CDR2L: variants seen among roughly 807,000 people sequenced by gnomAD.
CDR2L encodes the protein cerebellar degeneration related protein 2 like, also known as cerebellar degeneration-related protein 2-like.
Under a neutral mutation model 36.1 loss-of-function variants are expected in CDR2L, and 19 were observed. The observed-to-expected ratio is 0.53, with a 90% CI of 0.37 to 0.77. The LOEUF (loss-of-function observed/expected upper bound fraction) is 0.77, where lower values mean the gene tolerates loss of function less well. CDR2L is among the 30% of genes least tolerant of loss of function. The pLI, the probability that CDR2L is intolerant of heterozygous loss-of-function variation, is 0.00. For missense variants in CDR2L, 575 were observed against 627.2 expected (o/e 0.92, Z 0.89); for synonymous variants, 285 against 280.4 (o/e 1.02, Z -0.16).
Position 75,002,485 on chromosome 17 carries a change from G to A in CDR2L, c.506+257G>A, listed in dbSNP as rs1444508071. On this transcript the variant is annotated intron_variant, in intron 4 of 4. Coordinates refer to ENST00000337231, the MANE Select transcript of CDR2L (RefSeq NM_014603.3). The surrounding 1 kb of genome is among the most constrained non-coding windows in gnomAD (Gnocchi z 4.1). ...CAGATGATAAAACTGAAGCCCAGAG[G>A]TTGTGTGTCTTATCCAAGGTCACCT... 2.6e-5 allele frequency among the ~76,000 whole-genome samples: 4 copies of A among 152,218 alleles called. No homozygotes were observed. The highest frequency in any genetic ancestry group is 2.9e-5 in the Non-Finnish European group (2 of 68,040).
intron 1 of CDR2L, among the ~76,000 whole-genome samples, chr17:74,992,886 G>T (rs769896326): frequency 1.3e-5 from 2 of 152,304 alleles, no homozygotes; most frequent in Non-Finnish European, 2.9e-5. Context: ...ACCTGGAAGT[G>T]GGGGGTATGA....
At position 75,001,483 on chromosome 17, in the gene CDR2L, T is replaced by C. The variant is rs1414912441; in HGVS notation, c.335T>C (p.Ile112Thr). The C allele has an allele frequency of 6.4e-7, 1 of 1,564,486 alleles. No individual in the cohort carries two copies. The highest frequency in any genetic ancestry group is 1.2e-5 in the South Asian group (1 of 84,056). Residue 112 changes from isoleucine to threonine, a missense_variant, in exon 3 of 5, where the codon ATC (isoleucine) becomes ACC (threonine). By Grantham distance (89) the Ile-to-Thr change is moderately conservative (BLOSUM62 -1). Coordinates refer to ENST00000337231, the MANE Select transcript of CDR2L (RefSeq NM_014603.3). Reference sequence around the variant, plus strand: ...GAGAGTAAGGCTGCCCAGCAGAAGATCCATGGGTGAGGGCCCGGCTGAGGG... The same window carrying C: ...GAGAGTAAGGCTGCCCAGCAGAAGACCCATGGGTGAGGGCCCGGCTGAGGG... ...VLESKAAQQK[I>T]HGLTETIERL... is the part of the protein sequence containing the mutation.
At position 75,003,258 on chromosome 17, in the gene CDR2L, G is replaced by A; in HGVS notation, c.582G>A (p.Arg194=). The change falls in exon 5 of 5, where the codon CGG becomes CGA. Residue 194 remains arginine, a synonymous_variant. Transcript: ENST00000337231. ...GPRPLEQENE[R]LQTLVGALRS... is the part of the protein sequence containing the mutation. ...GGCCCCTGGAGCAGGAGAACGAGCGGCTGCAGACCCTGGTGGGGGCGCTGC... is the reference window on the plus strand; with the variant it reads ...GGCCCCTGGAGCAGGAGAACGAGCGACTGCAGACCCTGGTGGGGGCGCTGC... 6.4e-7 allele frequency: 1 copy of A among 1,560,462 alleles called. No individual in the cohort carries two copies. The highest frequency in any genetic ancestry group is 8.7e-7 in the Non-Finnish European group (1 of 1,153,266).
In CDR2L at chr17:75,003,426, G is replaced by A; in HGVS notation, c.750G>A (p.Glu250=). Residue 250 remains glutamate, a synonymous_variant, in exon 5 of 5, where the codon GAG becomes GAA. Transcript: ENST00000337231. The stretch of plus-strand genomic sequence containing the variant: ...TGCGTGTGCAGGAGCTGGAGGCCGA[G>A]CTGCTGGAGCTGCAGCAGATGAAGC... ...CRLRVQELEA[E]LLELQQMKQA... The A allele has an allele frequency of 6.3e-7, 1 of 1,575,688 alleles. No individual in the cohort carries two copies. Among genetic ancestry groups the A allele is most frequent in the Non-Finnish European group, 8.6e-7 (1 of 1,161,860 alleles).
Position 75,004,197 on chromosome 17 carries a change from A to G in CDR2L, c.*123A>G, listed in dbSNP as rs1317244068. On this transcript the variant is annotated 3_prime_UTR_variant, in exon 5 of 5. Coordinates refer to ENST00000337231, the MANE Select transcript of CDR2L (RefSeq NM_014603.3). ...TGCCACCACAGCACGCGGCCTCCTG[A>G]TCCGGAAGCACGCAGCATGTTCCCT... 1.2e-6 allele frequency: 1 copy of G among 806,994 alleles called. No individual in the cohort carries two copies. The highest frequency in any genetic ancestry group is 1.9e-6 in the Non-Finnish European group (1 of 520,758). 50.0% of individuals were successfully genotyped at this position (806,994 alleles called of 1,614,324 possible). A position where few individuals can be genotyped will look rare whatever the true frequency, so the allele number is the denominator to read the frequency against.
At chr17:74,999,440 AT>A in intron 1 of CDR2L, 63 bp from the exon 2 acceptor site, 1 of 1,132,500 alleles carries the variant, frequency 8.8e-7, no homozygotes, top group Non-Finnish European at 1.3e-6. Flanking sequence ...CCTAGAGTAG[AT>A]GCTCGGAACA....
At chr17:74,995,206 CTTTCTTTTTTTTTTT>C (rs1421647092) in intron 1 of CDR2L, among the ~76,000 whole-genome samples, 2 of 151,190 alleles carry the variant, frequency 1.3e-5, no homozygotes, top group African/African-American at 4.9e-5. Context: ...CCAGTCTACA[CTTTCTTTTTTTTTTT>C]TTTCTTTTTG....
At chr17:74,997,919 T>TAAAAAAAAAA (rs35218405) in intron 1 of CDR2L, among the ~76,000 whole-genome samples, 1 of 126,002 alleles carries the variant, frequency 7.9e-6, no homozygotes. Context: ...TTTTAGAAGT[T>TAAAAAAAAAA]AAAAAAAAAA....
At position 74,987,914 on chromosome 17, in the gene CDR2L, G is replaced by T; in HGVS notation, c.-130G>T. On this transcript the variant is annotated 5_prime_UTR_variant, in exon 1 of 5. Transcript: ENST00000337231. Reference sequence around the variant, plus strand: ...CCGGCGAGCGGTTGATGGCGAGGGGGCGCGGCGCGGGCTCTGTAGCCCGAG... The same window carrying T: ...CCGGCGAGCGGTTGATGGCGAGGGGTCGCGGCGCGGGCTCTGTAGCCCGAG... The T allele has an allele frequency of 2.6e-6, 1 of 377,742 alleles. No individual in the cohort carries two copies. The highest frequency in any genetic ancestry group is 4.8e-5 in the East Asian group (1 of 21,032). The allele number at this position is 377,742 out of a possible 1,614,324, so 23.4% of individuals were successfully genotyped here.
At position 74,987,964 on chromosome 17, in the gene CDR2L, G is replaced by T; in HGVS notation, c.-80G>T. The T allele has an allele frequency of 1.4e-6, 1 of 735,940 alleles. No homozygotes were observed. The highest frequency in any genetic ancestry group is 1.9e-6 in the Non-Finnish European group (1 of 528,832). 45.6% of individuals were successfully genotyped at this position (735,940 alleles called of 1,614,324 possible). A position where few individuals can be genotyped will look rare whatever the true frequency, so the allele number is the denominator to read the frequency against. ...GTTCCCGACGCTGGAGGCCCGGCCCGCCTCAGCCGCATTGTCCCGGGCCGC... is the reference window on the plus strand; with the variant it reads ...GTTCCCGACGCTGGAGGCCCGGCCCTCCTCAGCCGCATTGTCCCGGGCCGC... On this transcript the variant is annotated 5_prime_UTR_variant, in exon 1 of 5. Transcript: ENST00000337231.
intron 1 of CDR2L, among the ~76,000 whole-genome samples, chr17:74,996,334 C>CT (rs2039825284): frequency 6.6e-6 from 1 of 151,034 alleles, no homozygotes; most frequent in African/African-American, 2.4e-5. Flanking sequence ...ATTCCAGCTA[C>CT]TTGGGAGGCT....
chr17:74,991,613 A>T (rs1303574314), intron 1 of CDR2L, among the ~76,000 whole-genome samples: 1 of 151,956 alleles, frequency 6.6e-6, no homozygotes, highest in Non-Finnish European at 1.5e-5. Context: ...GCTACTCGGG[A>T]GGCTGATGCA....
Position 75,004,106 on chromosome 17 carries a change from G to A in CDR2L, c.*32G>A. ...TCCGGCCTGCAGCCTCCCCCAGGGTGGAAGCCGTGGGGTCCCTCAGGCCTG... is the reference window on the plus strand; with the variant it reads ...TCCGGCCTGCAGCCTCCCCCAGGGTAGAAGCCGTGGGGTCCCTCAGGCCTG... On this transcript the variant is annotated 3_prime_UTR_variant, in exon 5 of 5. Coordinates refer to ENST00000337231, the MANE Select transcript of CDR2L (RefSeq NM_014603.3). The A allele has an allele frequency of 6.4e-7, 1 of 1,558,402 alleles. No homozygotes were observed. Among genetic ancestry groups the A allele is most frequent in the Non-Finnish European group, 8.7e-7 (1 of 1,150,498 alleles).
At position 75,004,114 on chromosome 17, in the gene CDR2L, T is replaced by TG. The variant is rs763716988; in HGVS notation, c.*44dup. On this transcript the variant is annotated 3_prime_UTR_variant, in exon 5 of 5. Transcript: ENST00000337231. ...GCAGCCTCCCCCAGGGTGGAAGCCG[T>TG]GGGGTCCCTCAGGCCTGGGCGGTGC... The TG allele has an allele frequency of 1.9e-5, 30 of 1,547,902 alleles. No individual in the cohort carries two copies. Among genetic ancestry groups the TG allele is most frequent in the Admixed American group, 3.8e-5 (2 of 53,246 alleles).
At chr17:74,995,946 C>G (rs781351080) in intron 1 of CDR2L, among the ~76,000 whole-genome samples, 1 of 151,934 alleles carries the variant, frequency 6.6e-6, no homozygotes, top group South Asian at 2.1e-4. Context: ...TTTGAGGACC[C>G]GCTCTCTCCC....
At chr17:74,998,283 C>T (rs994980805) in intron 1 of CDR2L, among the ~76,000 whole-genome samples, 1 of 152,064 alleles carries the variant, frequency 6.6e-6, no homozygotes, top group Non-Finnish European at 1.5e-5. Context: ...TAGTCCCACG[C>T]CTATTCACAG....
intron 1 of CDR2L, among the ~76,000 whole-genome samples, chr17:74,999,079 C>T (rs2039847452): frequency 6.6e-6 from 1 of 152,122 alleles, no homozygotes; most frequent in Admixed American, 6.6e-5. Context: ...CCAGCTTGGC[C>T]TGGGCACAGC....
intron 4 of CDR2L, 79 bp from the exon 5 acceptor site, chr17:75,003,104 G>A: frequency 6.9e-7 from 1 of 1,450,924 alleles, no homozygotes; most frequent in Non-Finnish European, 9.3e-7. Flanking sequence ...CCCTGGCTGG[G>A]CTGCTCGGCC....
At chr17:75,003,052 G>C in intron 4 of CDR2L, 131 bp from the exon 5 acceptor site, 2 of 975,734 alleles carry the variant, frequency 2.0e-6, no homozygotes, top group African/African-American at 1.6e-5. Flanking sequence ...CAACGGAGAG[G>C]GGCAAACAAT....
Sources: allele counts gnomAD v4.1 joint callset (sites outside exome capture counted in the v4.1 genomes callset), GRCh38; gene constraint gnomAD v4.1.1; non-coding constraint Gnocchi (gnomAD v3.1); transcripts MANE v1.5; gene names NCBI Gene and HGNC (gene_info 2026-07-23, HGNC 2026-07-21).